The following UBE3D variants were observed in gnomAD, a reference collection of about 807,000 sequenced individuals.
UBE3D encodes the protein ubiquitin protein ligase E3D, also known as E3 ubiquitin-protein ligase E3D.
UBE3D carries 48 observed loss-of-function variants against 49.6 expected under a neutral mutation model. The observed-to-expected ratio is 0.97, with a 90% CI of 0.77 to 1.23. The LOEUF is 1.23. Ranked by LOEUF, UBE3D falls within the 50% of genes most tolerant of loss-of-function variation. UBE3D has a pLI of 0.00. For missense variants in UBE3D, 452 were observed against 468.4 expected (o/e 0.96, Z 0.32); for synonymous variants, 189 against 174.2 (o/e 1.08, Z -0.67).
At chr6:82,908,141 G>A (rs970806838) in intron 9 of UBE3D, among the ~76,000 whole-genome samples, 1 of 152,156 alleles carries the variant, frequency 6.6e-6, no homozygotes, top group East Asian at 1.9e-4. Context: ...TAGACAAAAT[G>A]AATCTAAGAT....
At chr6:82,965,901 TC>T (rs1336089739) in intron 8 of UBE3D, among the ~76,000 whole-genome samples, 1 of 152,152 alleles carries the variant, frequency 6.6e-6, no homozygotes, top group African/African-American at 2.4e-5. Context: ...TTGGAGGAAA[TC>T]CCAGACAACA....
chr6:82,952,679 C>T (rs574096316), intron 9 of UBE3D, among the ~76,000 whole-genome samples: 1 of 152,146 alleles, frequency 6.6e-6, no homozygotes, highest in South Asian at 2.1e-4. Context: ...CTGCTTCAGC[C>T]CCCAAAGTGC....
intron 9 of UBE3D, among the ~76,000 whole-genome samples, chr6:82,909,877 G>C (rs892263504): frequency 6.6e-6 from 1 of 152,124 alleles, no homozygotes; most frequent in African/African-American, 2.4e-5. Context: ...AATTGGATGC[G>C]ATCCTTCCCC....
intron 2 of UBE3D, among the ~76,000 whole-genome samples, chr6:83,054,622 T>G (rs2127843473): frequency 6.6e-6 from 1 of 152,304 alleles, no homozygotes; most frequent in South Asian, 2.1e-4. Context: ...GTTTCATCAG[T>G]GTGAACAAAT....
At chr6:83,015,944 T>C (rs946864656) in intron 8 of UBE3D, among the ~76,000 whole-genome samples, 1 of 152,170 alleles carries the variant, frequency 6.6e-6, no homozygotes, top group African/African-American at 2.4e-5. Flanking sequence ...AAGCTCAGTG[T>C]CCCCAGCTTC....
intron 8 of UBE3D, among the ~76,000 whole-genome samples, chr6:82,975,508 A>G (rs1312758570): frequency 3.3e-5 from 5 of 152,062 alleles, no homozygotes; most frequent in South Asian, 2.1e-4. Context: ...GCCTTCTTCA[A>G]TTTTTTCTTG....
chr6:82,922,344 T>C (rs1199534701), intron 9 of UBE3D, among the ~76,000 whole-genome samples: 2 of 152,156 alleles, frequency 1.3e-5, no homozygotes, highest in Non-Finnish European at 2.9e-5. Context: ...TTCAATCTTA[T>C]ATAAAGTCTG....
intron 8 of UBE3D, among the ~76,000 whole-genome samples, chr6:82,963,687 T>G (rs117327060): frequency 6.6e-6 from 1 of 152,278 alleles, no homozygotes; most frequent in Non-Finnish European, 1.5e-5. Context: ...CCACCCAGAT[T>G]AAGGGTGGGT....
At chr6:82,891,729 G>A (rs1197576361), downstream of UBE3D, among the ~76,000 whole-genome samples, 2 of 152,174 alleles carry the variant, frequency 1.3e-5, no homozygotes, top group Admixed American at 6.5e-5. Flanking sequence ...TGACACCTGT[G>A]TTAAGAATGT....
chr6:82,917,858 C>G (rs1773036495), intron 9 of UBE3D, among the ~76,000 whole-genome samples: 2 of 152,190 alleles, frequency 1.3e-5, no homozygotes, highest in South Asian at 4.1e-4. Context: ...TCTGCCTTGT[C>G]TTTTGGAGTG....
chr6:83,059,549 G>A lies in UBE3D; in HGVS notation c.78-1527C>T, dbSNP rs149612057. Among the ~76,000 whole-genome samples the A allele has an allele frequency of 2.8e-4, 42 of 152,324 alleles. No homozygotes were observed. The East Asian group carries it at 4.1e-3, about 15-fold the overall frequency. On this transcript the variant is annotated intron_variant, in intron 1 of 9. Transcript: ENST00000369747. ...AATGACTTTCAAACTAGACTGTGTA[G>A]AGTTGACACTTCCAAGTGCCGCAAG... is the stretch of plus-strand genomic sequence containing the variant.
intron 8 of UBE3D, among the ~76,000 whole-genome samples, chr6:82,962,119 G>A (rs554839296): frequency 2.4e-4 from 36 of 151,816 alleles, no homozygotes; most frequent in Admixed American, 1.9e-3. Context: ...AAGATTAGGG[G>A]GCAATACATT....
intron 9 of UBE3D, among the ~76,000 whole-genome samples, chr6:82,895,964 G>A (rs183431529): frequency 6.6e-6 from 1 of 152,228 alleles, no homozygotes; most frequent in East Asian, 1.9e-4. Context: ...ATGCAAAATG[G>A]ACCTTCCCAA....
chr6:82,958,083 C>A (rs1382109240), intron 8 of UBE3D, among the ~76,000 whole-genome samples: 2 of 152,218 alleles, frequency 1.3e-5, no homozygotes, highest in Non-Finnish European at 2.9e-5. Flanking sequence ...CTATATCCTG[C>A]GGAACCTATT....
chr6:82,998,318 T>G (rs1243040757), intron 8 of UBE3D, among the ~76,000 whole-genome samples: 1 of 152,352 alleles, frequency 6.6e-6, no homozygotes, highest in African/African-American at 2.4e-5. Context: ...TCCAGCTGAC[T>G]TTAGGATCCA....
intron 9 of UBE3D, among the ~76,000 whole-genome samples, chr6:82,901,659 C>A (rs1444472426): frequency 6.6e-6 from 1 of 152,134 alleles, no homozygotes; most frequent in African/African-American, 2.4e-5. Flanking sequence ...TCTTCTAACT[C>A]CTACTCCAGT....
chr6:82,899,302 A>G (rs1054047906), intron 9 of UBE3D, among the ~76,000 whole-genome samples: 4 of 152,218 alleles, frequency 2.6e-5, no homozygotes, highest in Non-Finnish European at 5.9e-5. Context: ...TTATGTGTGT[A>G]AGGGACAGAA....
intron 9 of UBE3D, among the ~76,000 whole-genome samples, chr6:82,912,436 A>G (rs1772596593): frequency 6.6e-6 from 1 of 151,834 alleles, no homozygotes; most frequent in Non-Finnish European, 1.5e-5. Context: ...ATTAAACTGG[A>G]ATTTTTGGAT....
intron 4 of UBE3D, 27 bp downstream of exon 4, chr6:83,044,401 A>G (rs1348777696): frequency 6.2e-7 from 1 of 1,603,976 alleles, no homozygotes; most frequent in Admixed American, 1.7e-5. Flanking sequence ...CCTCTAAATT[A>G]CCATTTATTT....
Sources: gnomAD v4.1 joint callset for allele counts (sites outside exome capture counted in the v4.1 genomes callset) on GRCh38, gnomAD v4.1.1 for gene constraint, MANE v1.5 for transcripts, NCBI Gene and HGNC (gene_info 2026-07-23, HGNC 2026-07-21) for gene names.